The following KIF21A variants were observed in gnomAD, a reference collection of about 807,000 sequenced individuals.
KIF21A encodes the protein kinesin-like protein KIF21A.
A neutral mutation model predicts 202.9 loss-of-function variants in KIF21A; 114 were observed. The ratio of observed to expected loss-of-function variants is 0.56; its 90% CI spans 0.48 to 0.66. KIF21A has a LOEUF of 0.66. KIF21A is among the 30% of genes least tolerant of loss of function. The pLI is 0.00. For synonymous variants in KIF21A, 667 were observed against 670.8 expected, an observed-to-expected ratio of 0.99 and a Z score of 0.09; for missense variants, 1,677 against 1,994.9, an observed-to-expected ratio of 0.84 and a Z score of 3.04.
chr12:39,378,598 G>T (rs757109886), intron 1 of KIF21A, among the ~76,000 whole-genome samples: 1 of 152,166 alleles, frequency 6.6e-6, no homozygotes, highest in Non-Finnish European at 1.5e-5. Flanking sequence ...AATTTCTGTT[G>T]ATGCTGGTGG....
intron 1 of KIF21A, among the ~76,000 whole-genome samples, chr12:39,427,080 G>A (rs1289337924): frequency 2.0e-5 from 3 of 151,990 alleles, no homozygotes; most frequent in Non-Finnish European, 4.4e-5. Context: ...CTGGACTGAG[G>A]GCAAAACCCC....
At position 39,357,261 on chromosome 12, in the gene KIF21A, A is replaced by G; in HGVS notation, c.1392T>C (p.Val464=). The G allele has an allele frequency of 1.2e-6, 2 of 1,614,170 alleles. No individual in the cohort carries two copies. Among genetic ancestry groups the G allele is most frequent in the Non-Finnish European group, 1.7e-6 (2 of 1,180,002 alleles). ...CTACCCACATACCTGCTCTGGCAAGAACATGGTTGGCCTGATCACTAACAA... is the reference window on the plus strand; with the variant it reads ...CTACCCACATACCTGCTCTGGCAAGGACATGGTTGGCCTGATCACTAACAA... ...TQLVSDQANH[V]LARAGEGNEE... The change falls in exon 9 of 38, where the codon GTT becomes GTC. Residue 464 remains valine, a synonymous_variant. Transcript: ENST00000361418.
chr12:39,412,324 T>C (rs1376448560), intron 1 of KIF21A, among the ~76,000 whole-genome samples: 1 of 152,228 alleles, frequency 6.6e-6, no homozygotes, highest in Non-Finnish European at 1.5e-5. Flanking sequence ...GATATTTAAA[T>C]GTTTGACTAG....
intron 1 of KIF21A, among the ~76,000 whole-genome samples, chr12:39,433,872 T>C (rs990098945): frequency 6.6e-6 from 1 of 152,340 alleles, no homozygotes; most frequent in African/African-American, 2.4e-5. Context: ...TATACTGTTA[T>C]ATCACTTATA....
rs34373131 is a variant in KIF21A at position 39,293,733 on chromosome 12, GA to G, written c.*690del. 16,317 of 138,988 alleles carry G rather than the reference GA, an allele frequency of 0.12. 944 individuals carry two copies. The highest frequency in any genetic ancestry group is 0.3 in the South Asian group (1,363 of 4,510). The allele number at this position is 138,988 out of a possible 1,614,324, so 8.6% of individuals were successfully genotyped here. A position where few individuals can be genotyped will look rare whatever the true frequency, so the allele number is the denominator to read the frequency against. ...ATCACAGAATATATGCACAGCACTG[GA>G]AAAAAAAAAAAAAATTAACAGCATT... is the stretch of plus-strand genomic sequence containing the variant. On this transcript the variant is annotated 3_prime_UTR_variant, in exon 38 of 38. Coordinates refer to ENST00000361418, the MANE Select transcript of KIF21A (RefSeq NM_001173464.2).
chr12:39,315,992 T>G, intron 29 of KIF21A, 22 bp from the exon 30 acceptor site: 1 of 1,564,666 alleles, frequency 6.4e-7, no homozygotes, highest in Non-Finnish European at 8.8e-7. Flanking sequence ...GAGTTAGAAT[T>G]ATGAGAGAAA....
chr12:39,363,088 C>G lies in KIF21A; in HGVS notation c.1019+10G>C. 1 of 1,432,160 alleles carries G rather than the reference C, an allele frequency of 7.0e-7. No individual in the cohort carries two copies. 88.7% of individuals were successfully genotyped at this position (1,432,160 alleles called of 1,614,324 possible). ...AAAAGTCTGAGTAGAGGATAATCAT[C>G]TATGCATACCTATTACCCCCGAGGG... On this transcript the variant is annotated intron_variant, in intron 7 of 37. Coordinates refer to ENST00000361418, the MANE Select transcript of KIF21A (RefSeq NM_001173464.2).
chr12:39,364,755 A>G (rs1410027283), intron 6 of KIF21A, among the ~76,000 whole-genome samples: 1 of 152,220 alleles, frequency 6.6e-6, no homozygotes, highest in East Asian at 1.9e-4. Context: ...GCCCTTGTTC[A>G]TTCCTATGCT....
At chr12:39,414,044 T>C (rs540544507) in intron 1 of KIF21A, among the ~76,000 whole-genome samples, 1 of 152,336 alleles carries the variant, frequency 6.6e-6, no homozygotes, top group East Asian at 1.9e-4. Context: ...AAACATATGT[T>C]TCAGTTTCAC....
chr12:39,351,551 T>A (rs1178455779), intron 11 of KIF21A, among the ~76,000 whole-genome samples: 1 of 152,050 alleles, frequency 6.6e-6, no homozygotes, highest in African/African-American at 2.4e-5. Flanking sequence ...TATATTGTCA[T>A]GTTCTAAATA....
At chr12:39,315,870 A>G (rs751159282) in intron 30 of KIF21A, 62 bp downstream of exon 30, 1 of 1,214,424 alleles carries the variant, frequency 8.2e-7, no homozygotes, top group African/African-American at 1.5e-5. Context: ...TAGAATTTCT[A>G]GGAAGGCACT....
chr12:39,378,899 G>A (rs2139376779), intron 1 of KIF21A, among the ~76,000 whole-genome samples: 1 of 152,232 alleles, frequency 6.6e-6, no homozygotes, highest in Non-Finnish European at 1.5e-5. Context: ...ATTTGACCTG[G>A]GTTTTGGAGG....
intron 1 of KIF21A, among the ~76,000 whole-genome samples, chr12:39,396,748 T>A (rs1951788597): frequency 6.6e-6 from 1 of 152,172 alleles, no homozygotes; most frequent in South Asian, 2.1e-4. Flanking sequence ...TGGGTAGACA[T>A]AGAAATATGT....
intron 24 of KIF21A, among the ~76,000 whole-genome samples, chr12:39,328,362 A>G (rs76860774): frequency 0.042 from 6,403 of 152,184 alleles, 442 homozygotes; most frequent in African/African-American, 0.15. Flanking sequence ...TGTTCTGGAG[A>G]AAGAAAGCAC....
intron 24 of KIF21A, among the ~76,000 whole-genome samples, chr12:39,327,163 A>G (rs1459034348): frequency 6.6e-6 from 1 of 152,220 alleles, no homozygotes; most frequent in Non-Finnish European, 1.5e-5. Flanking sequence ...CATATACATT[A>G]AAGAAAAATA....
rs550054520 is a variant in KIF21A at position 39,412,717 on chromosome 12, C to CA, written c.44+30209dup. On this transcript the variant is annotated intron_variant, in intron 1 of 37. Transcript: ENST00000361418. ...TGGGTGACAGAGCCAGACCCTGTCT[C>CA]AAAAAAACAGAAAAAAAATTAATTA... Among the ~76,000 whole-genome samples, 130 of 151,466 alleles carry CA rather than the reference C, an allele frequency of 8.6e-4. 2 individuals carry two copies. The highest frequency in any genetic ancestry group is 8.7e-4 in the Non-Finnish European group (59 of 67,876).
intron 11 of KIF21A, among the ~76,000 whole-genome samples, chr12:39,349,575 T>C (rs1168574532): frequency 6.6e-6 from 1 of 152,072 alleles, no homozygotes. Flanking sequence ...CTAGGTTTAT[T>C]GTATGCTGGT....
chr12:39,442,996 G>T lies in KIF21A; in HGVS notation c.-26C>A, dbSNP rs1345435307. ...GCTGGCGGCGGGCAGCGATCGAGCCGTTGGGCCTCGGCACCGCAGAGCTGA... is the reference window on the plus strand; with the variant it reads ...GCTGGCGGCGGGCAGCGATCGAGCCTTTGGGCCTCGGCACCGCAGAGCTGA... On this transcript the variant is annotated 5_prime_UTR_variant, in exon 1 of 38. Transcript: ENST00000361418. This position sits in a 1 kb window ranked among gnomAD's most constrained non-coding sequence, Gnocchi z 5.0. The T allele has an allele frequency of 2.6e-6, 4 of 1,517,392 alleles. No homozygotes were observed. The highest frequency in any genetic ancestry group is 3.5e-6 in the Non-Finnish European group (4 of 1,139,910). 94.0% of individuals were successfully genotyped at this position (1,517,392 alleles called of 1,614,324 possible). A position where few individuals can be genotyped will look rare whatever the true frequency, so the allele number is the denominator to read the frequency against.
Position 39,311,420 on chromosome 12 carries a change from T to G in KIF21A, c.4093A>C (p.Lys1365Gln), listed in dbSNP as rs1479807856. 6.2e-7 allele frequency: 1 copy of G among 1,612,850 alleles called. No homozygotes were observed. The highest frequency in any genetic ancestry group is 1.1e-5 in the South Asian group (1 of 91,054). Reference sequence around the variant, plus strand: ...TGCATTAGATAACTACTAGCACCTTTTGATCCAGTGAAGAGGAGATCATCA... The same window carrying G: ...TGCATTAGATAACTACTAGCACCTTGTGATCCAGTGAAGAGGAGATCATCA... ...STDDLLFTGS[K>Q]DRTCKVWNLV... The change falls in exon 32 of 38, where the codon AAA (lysine) becomes CAA (glutamine). Residue 1365 changes from lysine to glutamine, a missense_variant. Lys to Gln is a moderately conservative substitution (Grantham distance 53). Transcript: ENST00000361418.
Sources: gnomAD v4.1 joint callset for allele counts (sites outside exome capture counted in the v4.1 genomes callset) on GRCh38, gnomAD v4.1.1 for gene constraint, Gnocchi (gnomAD v3.1) non-coding constraint, MANE v1.5 for transcripts, NCBI Gene and HGNC (gene_info 2026-07-23, HGNC 2026-07-21) for gene names.